HCRTR2: variants seen among roughly 807,000 people sequenced by gnomAD.
HCRTR2 encodes the protein orexin receptor type 2.
Under a neutral mutation model 49.0 loss-of-function variants are expected in HCRTR2, and 22 were observed. The observed-to-expected ratio is 0.45, with a 90% confidence interval of 0.32 to 0.64. HCRTR2 has a LOEUF of 0.64. Ranked by LOEUF, HCRTR2 falls within the 30% of genes least tolerant of loss-of-function variation. HCRTR2 has a pLI of 0.04. For missense variants in HCRTR2, 491 were observed against 559.4 expected, an observed-to-expected ratio of 0.88 and a Z score of 1.23; for synonymous variants, 236 against 205.3, an observed-to-expected ratio of 1.15 and a Z score of -1.28.
chr6:55,152,422 T>G (rs1263193280), intron 1 of HCRTR2, among the ~76,000 whole-genome samples: 1 of 151,966 alleles, frequency 6.6e-6, no homozygotes, highest in African/African-American at 2.4e-5. Flanking sequence ...TTAATTGGTA[T>G]TTTTTTGTTT....
At chr6:55,246,961 CAG>C (rs1008852976) in intron 1 of HCRTR2, among the ~76,000 whole-genome samples, 1 of 152,048 alleles carries the variant, frequency 6.6e-6, no homozygotes, top group Admixed American at 6.6e-5. Flanking sequence ...GTCCAAAATA[CAG>C]AGTTAAAAGA....
intron 1 of HCRTR2, among the ~76,000 whole-genome samples, chr6:55,204,338 T>G (rs1421271546): frequency 6.6e-6 from 1 of 152,220 alleles, no homozygotes; most frequent in Non-Finnish European, 1.5e-5. Context: ...AGTAGTATCT[T>G]GCTGACTAAC....
At chr6:55,262,737 G>T (rs1766790165) in intron 3 of HCRTR2, among the ~76,000 whole-genome samples, 1 of 119,530 alleles carries the variant, frequency 8.4e-6, no homozygotes, top group African/African-American at 3.3e-5. Flanking sequence ...TATAAGGTAG[G>T]GAATATATAT....
intron 1 of HCRTR2, among the ~76,000 whole-genome samples, chr6:55,117,783 C>A (rs377138896): frequency 0.012 from 920 of 77,900 alleles, no homozygotes; most frequent in South Asian, 0.015. Context: ...GATAAAGTCT[C>A]AAAAAAAAAA....
intron 1 of HCRTR2, among the ~76,000 whole-genome samples, chr6:55,134,292 C>T (rs532596155): frequency 4.0e-5 from 6 of 151,702 alleles, no homozygotes; most frequent in Non-Finnish European, 8.8e-5. Context: ...AAACAGAACA[C>T]AGTATGATAA....
At chr6:55,230,471 TA>T (rs1289931281) in intron 1 of HCRTR2, among the ~76,000 whole-genome samples, 1 of 152,146 alleles carries the variant, frequency 6.6e-6, no homozygotes, top group Non-Finnish European at 1.5e-5. Flanking sequence ...TAATCTAAAT[TA>T]AAGAAAATAT....
chr6:55,132,391 TG>T (rs1764370167), intron 1 of HCRTR2, among the ~76,000 whole-genome samples: 1 of 151,840 alleles, frequency 6.6e-6, no homozygotes, highest in Non-Finnish European at 1.5e-5. Context: ...TAAAGATGTC[TG>T]GGCAAAGTGG....
chr6:55,215,780 C>T (rs927181755), intron 1 of HCRTR2, among the ~76,000 whole-genome samples: 1 of 152,064 alleles, frequency 6.6e-6, no homozygotes, highest in African/African-American at 2.4e-5. Flanking sequence ...ATTTAAGCCC[C>T]ATGGCAACTA....
intron 3 of HCRTR2, among the ~76,000 whole-genome samples, chr6:55,256,314 C>A (rs1766651449): frequency 6.6e-6 from 1 of 151,844 alleles, no homozygotes; most frequent in African/African-American, 2.4e-5. Context: ...AAAGATGTAT[C>A]AAAACAAGCA....
At chr6:55,192,840 A>C (rs1326052040) in intron 1 of HCRTR2, among the ~76,000 whole-genome samples, 1 of 152,206 alleles carries the variant, frequency 6.6e-6, no homozygotes, top group Non-Finnish European at 1.5e-5. Context: ...TATCTTTAGC[A>C]CTAAGCATGA....
At chr6:55,138,729 T>C (rs913438710) in intron 1 of HCRTR2, among the ~76,000 whole-genome samples, 5 of 152,220 alleles carry the variant, frequency 3.3e-5, no homozygotes, top group African/African-American at 1.2e-4. Context: ...TTTCTATAGT[T>C]ACTCTCCGGC....
chr6:55,109,383 T>G (rs1413065901), intron 1 of HCRTR2, among the ~76,000 whole-genome samples: 1 of 151,996 alleles, frequency 6.6e-6, no homozygotes, highest in African/African-American at 2.4e-5. Context: ...GTATCTGAAT[T>G]GCCAGAAAAA....
chr6:55,152,233 CTTG>C (rs999591443), intron 1 of HCRTR2, among the ~76,000 whole-genome samples: 80 of 152,038 alleles, frequency 5.3e-4, no homozygotes, highest in African/African-American at 1.9e-3. Context: ...CTTGCTAATA[CTTG>C]TTATCTTTTG....
chr6:55,275,554 A>G (rs1767060869), intron 4 of HCRTR2, among the ~76,000 whole-genome samples: 1 of 103,770 alleles, frequency 9.6e-6, no homozygotes, highest in South Asian at 3.7e-4. Context: ...GGGCATCACT[A>G]CATTTTTTTT....
chr6:55,246,578 G>T (rs2127310323), intron 1 of HCRTR2, among the ~76,000 whole-genome samples: 1 of 152,158 alleles, frequency 6.6e-6, no homozygotes, highest in African/African-American at 2.4e-5. Context: ...TCAAATAGAG[G>T]TTGGTAGCTT....
chr6:55,146,183 A>C (rs1764578433), intron 1 of HCRTR2, among the ~76,000 whole-genome samples: 1 of 152,192 alleles, frequency 6.6e-6, no homozygotes, highest in Non-Finnish European at 1.5e-5. Flanking sequence ...TGAATAGTGG[A>C]GAACAATTAT....
At chr6:55,240,328 G>A (rs1387728337) in intron 1 of HCRTR2, among the ~76,000 whole-genome samples, 3 of 138,140 alleles carry the variant, frequency 2.2e-5, no homozygotes, top group African/African-American at 5.5e-5. Flanking sequence ...ACTGCAGTTC[G>A]GCCTGGACGA....
chr6:55,185,929 C>T (rs1019064136), intron 1 of HCRTR2, among the ~76,000 whole-genome samples: 7 of 152,176 alleles, frequency 4.6e-5, no homozygotes, highest in Non-Finnish European at 8.8e-5. Flanking sequence ...TTCTGATCCT[C>T]CTATGACTGG....
intron 1 of HCRTR2, among the ~76,000 whole-genome samples, chr6:55,222,915 G>A (rs1399407023): frequency 6.6e-6 from 1 of 152,108 alleles, no homozygotes; most frequent in Admixed American, 6.5e-5. Context: ...TATGTGTTAG[G>A]TCCATGTTAT....
Sources: gnomAD v4.1 joint callset for allele counts (sites outside exome capture counted in the v4.1 genomes callset) on GRCh38, gnomAD v4.1.1 for gene constraint, MANE v1.5 for transcripts, NCBI Gene and HGNC (gene_info 2026-07-23, HGNC 2026-07-21) for gene names.